The following LMX1B variants were observed in gnomAD, a reference collection of about 807,000 sequenced individuals.
The protein encoded by LMX1B is LIM homeobox transcription factor 1 beta.
In LMX1B, 12 loss-of-function variants were observed where a neutral mutation model predicts 51.4. That is an observed-to-expected ratio of 0.23 (90% CI 0.15 to 0.38). The LOEUF (loss-of-function observed/expected upper bound fraction) is 0.38. LMX1B is among the 10% of genes least tolerant of loss of function. LMX1B has a pLI of 1.00. For missense variants in LMX1B, 445 were observed against 571.1 expected (o/e 0.78, Z 2.25); for synonymous variants, 237 against 235.4 (o/e 1.01, Z -0.06).
rs370537843 is a variant in LMX1B, at chr9:126,690,844, C to T, written c.335C>T (p.Ala112Val). Reference sequence around the variant, plus strand: ...GCTTTGTGCATCCGCAGGCTCTTCGCGGCCAAGTGCAGCGGCTGCATGGAG... The same window carrying T: ...GCTTTGTGCATCCGCAGGCTCTTCGTGGCCAAGTGCAGCGGCTGCATGGAG... ...YCKQDYQQLF[A>V]AKCSGCMEKI... The change falls in exon 3 of 8, where the codon GCG becomes GTG. Residue 112 changes from alanine (A) to valine (V), a missense_variant. By Grantham distance (64) the Ala-to-Val change is moderately conservative. This residue lies in a region of LMX1B where 273 missense variants were observed against 343.3 expected (regional missense o/e 0.80). Coordinates refer to ENST00000373474, the MANE Select transcript of LMX1B (RefSeq NM_001174147.2). The T allele has an allele frequency of 9.3e-6, 15 of 1,609,902 alleles. No individual in the cohort carries two copies. The highest frequency in any genetic ancestry group is 6.7e-5 in the Admixed American group (4 of 59,826).
chr9:126,623,786 G>T (rs1835464601), intron 2 of LMX1B, among the ~76,000 whole-genome samples: 1 of 152,236 alleles, frequency 6.6e-6, no homozygotes, highest in Non-Finnish European at 1.5e-5. Context: ...TGTAGGGCCA[G>T]CCCTGGCCAG....
rs947185686 is a variant in LMX1B, at chr9:126,677,562, G to A, written c.327-13274G>A. Among the ~76,000 whole-genome samples the A allele has an allele frequency of 1.3e-5, 2 of 152,140 alleles. No homozygotes were observed. The highest frequency in any genetic ancestry group is 2.9e-5 in the Non-Finnish European group (2 of 68,038). On this transcript the variant is annotated intron_variant, in intron 2 of 7. Transcript: ENST00000373474. The surrounding 1 kb of genome is among the most constrained non-coding windows in gnomAD (Gnocchi z 5.0). ...GGAGAGTGTGGTGGTTACCAGCCCA[G>A]CTGACCTGGGGCCCCAGCTCTGCAT...
intron 2 of LMX1B, among the ~76,000 whole-genome samples, chr9:126,619,175 T>C (rs1228763275): frequency 6.6e-6 from 1 of 152,166 alleles, no homozygotes; most frequent in African/African-American, 2.4e-5. Context: ...TTTTAAAAAA[T>C]TTCCCCCAGC....
In LMX1B at chr9:126,693,208, G is replaced by A. The variant is rs1237090634; in HGVS notation, c.626G>A (p.Ser209Asn). 1 of 1,608,672 alleles carries A rather than the reference G, an allele frequency of 6.2e-7. No individual in the cohort carries two copies. Among genetic ancestry groups the A allele is most frequent in the Non-Finnish European group, 8.5e-7 (1 of 1,178,026 alleles). The part of the protein sequence containing the change: ...AKGQGSQSKG[S>N]GDDGKDPRRP... ...GGGCAGGGCAGTCAGAGCAAGGGCA[G>A]CGGGGATGACGGGAAGGACCCGCGG... The change falls in exon 4 of 8, where the codon AGC (serine) becomes AAC (asparagine). Residue 209 changes from serine (S) to asparagine (N), a missense_variant. Coordinates refer to ENST00000373474, the MANE Select transcript of LMX1B (RefSeq NM_001174147.2).
intron 2 of LMX1B, among the ~76,000 whole-genome samples, chr9:126,689,956 A>G (rs1355203916): frequency 6.6e-6 from 1 of 152,092 alleles, no homozygotes; most frequent in Non-Finnish European, 1.5e-5. Context: ...CTGGCACTCT[A>G]TACGTGCTCA....
intron 2 of LMX1B, among the ~76,000 whole-genome samples, chr9:126,668,598 C>A (rs562108732): frequency 2.6e-5 from 4 of 152,040 alleles, no homozygotes; most frequent in African/African-American, 9.7e-5. Flanking sequence ...GGATTACAGG[C>A]GTGCACCACC....
Position 126,614,549 on chromosome 9 carries a change from G to A in LMX1B, c.100G>A (p.Ala34Thr). 6.3e-7 allele frequency: 1 copy of A among 1,594,906 alleles called. No individual in the cohort carries two copies. ...GGACGGCATCAAGATGGAGGAGCAC[G>A]CCCTGCGCCCCGGGCCCGCCACTCT... is the stretch of plus-strand genomic sequence containing the variant. The part of the protein sequence containing the change: ...MLDGIKMEEH[A>T]LRPGPATLGV... Residue 34 changes from alanine to threonine, a missense_variant, in exon 1 of 8, where the codon GCC (alanine) becomes ACC (threonine). Coordinates refer to ENST00000373474, the MANE Select transcript of LMX1B (RefSeq NM_001174147.2).
chr9:126,642,901 A>T (rs1353504574), intron 2 of LMX1B, among the ~76,000 whole-genome samples: 1 of 152,130 alleles, frequency 6.6e-6, no homozygotes, highest in Non-Finnish European at 1.5e-5. Context: ...AGCCCGGGAA[A>T]TCGGGAATTG....
At chr9:126,655,128 G>C (rs1242957871) in intron 2 of LMX1B, among the ~76,000 whole-genome samples, 1 of 152,270 alleles carries the variant, frequency 6.6e-6, no homozygotes, top group Non-Finnish European at 1.5e-5. Context: ...ATGTGACGAA[G>C]ACTTGTGCTT....
intron 2 of LMX1B, among the ~76,000 whole-genome samples, chr9:126,640,193 T>A (rs901331279): frequency 6.6e-6 from 1 of 152,164 alleles, no homozygotes; most frequent in Non-Finnish European, 1.5e-5. Flanking sequence ...GCCTGCTGCT[T>A]CCAGAGCGGG....
At chr9:126,675,229 G>A (rs982044267) in intron 2 of LMX1B, among the ~76,000 whole-genome samples, 10 of 152,150 alleles carry the variant, frequency 6.6e-5, no homozygotes, top group Admixed American at 4.6e-4. Context: ...AGATGCACTC[G>A]GCTTGGTGTA....
intron 2 of LMX1B, among the ~76,000 whole-genome samples, chr9:126,688,459 G>A (rs1361642055): frequency 6.6e-6 from 1 of 152,270 alleles, no homozygotes; most frequent in Admixed American, 6.5e-5. Context: ...AGAGGCCGCA[G>A]AGGTCAGGCT....
chr9:126,660,172 TG>T (rs150981863), intron 2 of LMX1B, among the ~76,000 whole-genome samples: 1 of 75,588 alleles, frequency 1.3e-5, no homozygotes, highest in Non-Finnish European at 3.4e-5. Context: ...TTGTCCTGTG[TG>T]GGGGTATCTA....
intron 2 of LMX1B, among the ~76,000 whole-genome samples, chr9:126,654,912 C>T (rs1248364251): frequency 6.6e-6 from 1 of 152,214 alleles, no homozygotes; most frequent in African/African-American, 2.4e-5. Flanking sequence ...TGGACCTGGG[C>T]TCCCAGCCCC....
At chr9:126,628,644 G>T (rs1835577051) in intron 2 of LMX1B, among the ~76,000 whole-genome samples, 1 of 152,212 alleles carries the variant, frequency 6.6e-6, no homozygotes, top group South Asian at 2.1e-4. Context: ...ACTGATAGTT[G>T]TTCTGTTGGA....
chr9:126,651,986 G>A (rs926744403), intron 2 of LMX1B, among the ~76,000 whole-genome samples: 4 of 142,686 alleles, frequency 2.8e-5, no homozygotes, highest in Admixed American at 1.5e-4. Flanking sequence ...ACAAGCCTCG[G>A]TAGTGGCCAG....
rs920001844 is a variant in LMX1B at position 126,639,075 on chromosome 9, T to C, written c.326+23506T>C. On this transcript the variant is annotated intron_variant, in intron 2 of 7. Transcript: ENST00000373474. ...GGGAAAGGAGAGTTGGGAAGGAGAATTGGAGAGGAGAGAAGAGGCTGGTAG... is the reference window on the plus strand; with the variant it reads ...GGGAAAGGAGAGTTGGGAAGGAGAACTGGAGAGGAGAGAAGAGGCTGGTAG... Among the ~76,000 whole-genome samples, 235 of 136,130 alleles carry C rather than the reference T, an allele frequency of 1.7e-3. 2 individuals are homozygous for C. The highest frequency in any genetic ancestry group is 0.017 in the Admixed American group (227 of 13,484). The allele number at this position is 136,130 out of a possible 152,430, so 89.3% of individuals were successfully genotyped here.
intron 2 of LMX1B, among the ~76,000 whole-genome samples, chr9:126,682,108 T>TTTTTA (rs1554727665): frequency 1.4e-5 from 2 of 139,020 alleles, no homozygotes; most frequent in African/African-American, 5.9e-5. Context: ...TTTTTTTTTT[T>TTTTTA]ATAGAGATGG....
rs1222331085 is a variant in LMX1B, at chr9:126,626,747, ACT to A, written c.326+11181_326+11182del. Among the ~76,000 whole-genome samples the A allele has an allele frequency of 3.9e-5, 6 of 152,208 alleles. No homozygotes were observed. The highest frequency in any genetic ancestry group is 2.0e-4 in the Admixed American group (3 of 15,302). ...GAGCAAGGAGGCGGCGGCGGAGCAA[ACT>A]CTGCGGATTAGGTTTCAGCGCCTCC... On this transcript the variant is annotated intron_variant, in intron 2 of 7. Transcript: ENST00000373474. This position sits in a 1 kb window ranked among gnomAD's most constrained non-coding sequence, Gnocchi z 4.3.
Sources: gnomAD v4.1 joint callset for allele counts (sites outside exome capture counted in the v4.1 genomes callset) on GRCh38, gnomAD v4.1.1 for gene constraint, gnomAD v4.1.1 regional missense constraint, Gnocchi (gnomAD v3.1) non-coding constraint, MANE v1.5 for transcripts, NCBI Gene and HGNC (gene_info 2026-07-23, HGNC 2026-07-21) for gene names.